Variants in CTIF observed in about 807,000 individuals in gnomAD.
CTIF encodes the protein CBP80/20-dependent translation initiation factor.
Under a neutral mutation model 66.0 loss-of-function variants are expected in CTIF, and 21 were observed. The ratio of observed to expected loss-of-function variants is 0.32; its 90% CI spans 0.23 to 0.46. The LOEUF is 0.46. CTIF is among the 20% of genes least tolerant of loss of function. The probability of loss-of-function intolerance (pLI) is 1.00; values close to 1 mark genes in which losing one functional copy is unlikely to be tolerated. For synonymous variants in CTIF, 345 were observed against 326.4 expected, an observed-to-expected ratio of 1.06 and a Z score of -0.62; for missense variants, 739 against 812.7, an observed-to-expected ratio of 0.91 and a Z score of 1.10.
chr18:48,656,317 C>G (rs1273719755), intron 3 of CTIF, among the ~76,000 whole-genome samples: 2 of 152,244 alleles, frequency 1.3e-5, no homozygotes, highest in Admixed American at 6.5e-5. Flanking sequence ...TGCTCCCATC[C>G]TGGTAACTGG....
chr18:48,656,115 C>T (rs1312772936), intron 3 of CTIF, among the ~76,000 whole-genome samples: 2 of 152,258 alleles, frequency 1.3e-5, no homozygotes, highest in Non-Finnish European at 2.9e-5. Flanking sequence ...GCAGATGATG[C>T]ACTTCCTCCA....
chr18:48,828,746 C>T (rs9960798), intron 10 of CTIF, among the ~76,000 whole-genome samples: 13,936 of 152,298 alleles, frequency 0.092, 672 homozygotes, highest in Non-Finnish European at 0.11. Flanking sequence ...GGGCATGGGC[C>T]CAGCACGAGC....
chr18:48,649,049 C>CAGGTGACT (rs1437146571), intron 3 of CTIF, among the ~76,000 whole-genome samples: 19 of 152,178 alleles, frequency 1.2e-4, no homozygotes, highest in Non-Finnish European at 2.6e-4. Context: ...ATGCAGAAGA[C>CAGGTGACT]AGGTGACTTC....
intron 6 of CTIF, among the ~76,000 whole-genome samples, chr18:48,704,833 A>C (rs1331061653): frequency 6.6e-6 from 1 of 152,202 alleles, no homozygotes; most frequent in Admixed American, 6.5e-5. Flanking sequence ...AAGAATTTGG[A>C]GATCACACTT....
At chr18:48,653,172 A>G (rs952695388) in intron 3 of CTIF, among the ~76,000 whole-genome samples, 1 of 152,232 alleles carries the variant, frequency 6.6e-6, no homozygotes, top group Non-Finnish European at 1.5e-5. Flanking sequence ...TCAATGAGGA[A>G]AAGAGGAAAT....
chr18:48,557,338 C>T (rs1599137910), intron 1 of CTIF, among the ~76,000 whole-genome samples: 1 of 152,192 alleles, frequency 6.6e-6, no homozygotes, highest in Non-Finnish European at 1.5e-5. Context: ...CCAGCCAGAG[C>T]TTTTGGATGA....
At chr18:48,649,333 T>C (rs1359230386) in intron 3 of CTIF, among the ~76,000 whole-genome samples, 1 of 152,202 alleles carries the variant, frequency 6.6e-6, no homozygotes, top group African/African-American at 2.4e-5. Flanking sequence ...CCCATGCCCA[T>C]AGAGCCTTAC....
At chr18:48,579,608 G>A (rs1417421922) in intron 1 of CTIF, among the ~76,000 whole-genome samples, 1 of 152,010 alleles carries the variant, frequency 6.6e-6, no homozygotes, top group Non-Finnish European at 1.5e-5. Context: ...ACACACATCT[G>A]CTAGCCTGCC....
chr18:48,665,700 A>G (rs2091425335), intron 5 of CTIF, among the ~76,000 whole-genome samples: 1 of 152,000 alleles, frequency 6.6e-6, no homozygotes, highest in African/African-American at 2.4e-5. Flanking sequence ...TAATTAATCT[A>G]TTTTGCATAC....
In CTIF at chr18:48,758,619, G is replaced by A. The variant is rs576783995; in HGVS notation, c.1071+214G>A. On this transcript the variant is annotated intron_variant, in intron 8 of 11. Transcript: ENST00000256413. ...CATCATGAACCCCTCCAGCACACTT[G>A]GGCTTTTCACCTTCCAAACTCCAAG... Among the ~76,000 whole-genome samples the A allele has an allele frequency of 5.3e-5, 8 of 152,206 alleles. No homozygotes were observed. In the South Asian group the frequency reaches 1.7e-3, roughly 32 times the overall value.
intron 1 of CTIF, among the ~76,000 whole-genome samples, chr18:48,562,850 A>ATT (rs2089193656): frequency 6.6e-6 from 1 of 152,232 alleles, no homozygotes; most frequent in Non-Finnish European, 1.5e-5. Flanking sequence ...CCCCACACAA[A>ATT]TATGAAAACC....
intron 2 of CTIF, among the ~76,000 whole-genome samples, chr18:48,625,642 C>T (rs1344656196): frequency 1.3e-5 from 2 of 152,144 alleles, no homozygotes; most frequent in Non-Finnish European, 2.9e-5. Flanking sequence ...CAATAACTTG[C>T]ATTTTTCACC....
At chr18:48,584,288 G>A (rs1267049703) in intron 1 of CTIF, among the ~76,000 whole-genome samples, 1 of 152,188 alleles carries the variant, frequency 6.6e-6, no homozygotes, top group Non-Finnish European at 1.5e-5. Context: ...AAGCCTTTCT[G>A]TGTCACCCAA....
chr18:48,659,384 C>T (rs192727131), intron 3 of CTIF, among the ~76,000 whole-genome samples: 14 of 152,302 alleles, frequency 9.2e-5, no homozygotes, highest in African/African-American at 2.9e-4. Flanking sequence ...TCCAGCTCAG[C>T]GGCTGGGGTC....
intron 2 of CTIF, among the ~76,000 whole-genome samples, chr18:48,628,459 G>T (rs1484521375): frequency 6.6e-6 from 1 of 152,150 alleles, no homozygotes; most frequent in East Asian, 1.9e-4. Flanking sequence ...TCTTGAAGAT[G>T]TTGTTATTAT....
chr18:48,661,269 G>T (rs530334421), intron 3 of CTIF, among the ~76,000 whole-genome samples: 2 of 152,358 alleles, frequency 1.3e-5, no homozygotes, highest in African/African-American at 4.8e-5. Context: ...AACAGATCAG[G>T]GATTAGGGAA....
intron 6 of CTIF, among the ~76,000 whole-genome samples, chr18:48,678,462 A>T (rs978479382): frequency 6.6e-6 from 1 of 151,968 alleles, no homozygotes; most frequent in South Asian, 2.1e-4. Context: ...AGGCGCCCAT[A>T]CAATAAATGG....
At chr18:48,855,787 T>C (rs2069314718) in intron 10 of CTIF, among the ~76,000 whole-genome samples, 1 of 152,224 alleles carries the variant, frequency 6.6e-6, no homozygotes, top group Non-Finnish European at 1.5e-5. Flanking sequence ...CCAGGACGTT[T>C]TACCAGGAAA....
At chr18:48,797,157 C>T (rs186858334) in intron 9 of CTIF, among the ~76,000 whole-genome samples, 124 of 152,220 alleles carry the variant, frequency 8.1e-4, no homozygotes, top group Admixed American at 3.3e-3. Flanking sequence ...CCTTCAAATC[C>T]AACTTGTCTC....
Sources: gnomAD v4.1 joint callset for allele counts (sites outside exome capture counted in the v4.1 genomes callset) on GRCh38, gnomAD v4.1.1 for gene constraint, MANE v1.5 for transcripts, NCBI Gene and HGNC (gene_info 2026-07-23, HGNC 2026-07-21) for gene names.